GARIN2: variants seen among roughly 807,000 people sequenced by gnomAD.
GARIN2 encodes golgi associated RAB2 interactor family member 2.
At chr14:67,193,954 C>CAAAAAAAAAACAA in the GARIN2 span, among the ~76,000 whole-genome samples, 36 of 85,748 alleles carry the variant, frequency 4.2e-4, no homozygotes, top group East Asian at 1.3e-3. Flanking sequence ...CAAAAAAAAA[C>CAAAAAAAAAACAA]AAAAAAAAAA....
chr14:67,200,333 C>T, the GARIN2 span: 1 of 650,700 alleles, frequency 1.5e-6, no homozygotes, highest in East Asian at 3.0e-5. Flanking sequence ...AGTAAATTCA[C>T]ATTTTCCTTC....
chr14:67,222,999 C>CTA, the GARIN2 span, among the ~76,000 whole-genome samples: 4 of 124,810 alleles, frequency 3.2e-5, no homozygotes, highest in African/African-American at 9.3e-5. Context: ...TCCCATTGGG[C>CTA]TTTTTTTTTT....
chr14:67,199,773 CT>C, the GARIN2 span: 5 of 1,527,944 alleles, frequency 3.3e-6, no homozygotes, highest in Non-Finnish European at 4.5e-6. Flanking sequence ...CCAGGCATGC[CT>C]CCTCCTGGCT....
the GARIN2 span, chr14:67,200,605 A>T: frequency 9.8e-6 from 2 of 203,780 alleles, no homozygotes; most frequent in Non-Finnish European, 1.9e-5. Flanking sequence ...CTGCACTCAT[A>T]CTTGAGTACT....
At chr14:67,211,251 A>G in the GARIN2 span, among the ~76,000 whole-genome samples, 4 of 152,182 alleles carry the variant, frequency 2.6e-5, no homozygotes, top group Non-Finnish European at 5.9e-5. Context: ...AGATATAGAT[A>G]AAATATAGGT....
the GARIN2 span, among the ~76,000 whole-genome samples, chr14:67,225,962 T>A: frequency 8.8e-6 from 1 of 113,490 alleles, no homozygotes; most frequent in African/African-American, 5.1e-5. Context: ...TGTGTGTGTG[T>A]GCGCGCGCGC....
the GARIN2 span, among the ~76,000 whole-genome samples, chr14:67,222,663 G>A: frequency 2.0e-5 from 3 of 152,082 alleles, no homozygotes; most frequent in African/African-American, 4.8e-5. Context: ...AGCCTGTAAC[G>A]AACTTTTAAT....
At chr14:67,200,731 T>A in the GARIN2 span, among the ~76,000 whole-genome samples, 717 of 152,320 alleles carry the variant, frequency 4.7e-3, 15 homozygotes, top group Admixed American at 0.042. Context: ...TGATGTACTT[T>A]ACCTTATACA....
chr14:67,195,713 TTGTGTGTGTGTGTGTGTGTGTG>T, the GARIN2 span, among the ~76,000 whole-genome samples: 13 of 143,230 alleles, frequency 9.1e-5, no homozygotes, highest in Non-Finnish European at 1.7e-4. Flanking sequence ...TTCTTTTTGG[TTGTGTGTGTGTGTGTGTGTGTG>T]TGTGTGTGTG....
At chr14:67,202,646 AG>A in the GARIN2 span, among the ~76,000 whole-genome samples, 7 of 152,298 alleles carry the variant, frequency 4.6e-5, no homozygotes, top group African/African-American at 1.4e-4. Context: ...TAAAGACTAA[AG>A]AATATTGCAT....
At chr14:67,221,857 T>C in the GARIN2 span, 1 of 1,601,916 alleles carries the variant, frequency 6.2e-7, no homozygotes, top group Non-Finnish European at 8.5e-7. Context: ...TGGTATTCAG[T>C]AGTCATCTCT....
chr14:67,217,441 T>G, the GARIN2 span, among the ~76,000 whole-genome samples: 1 of 152,218 alleles, frequency 6.6e-6, no homozygotes, highest in South Asian at 2.1e-4. Context: ...GACTTACTCA[T>G]GTCATTTTGT....
chr14:67,217,959 G>A, the GARIN2 span, among the ~76,000 whole-genome samples: 2 of 152,096 alleles, frequency 1.3e-5, no homozygotes, highest in African/African-American at 4.8e-5. Flanking sequence ...ATATGAATGG[G>A]TCTTGGGATG....
At chr14:67,199,753 G>A in the GARIN2 span, 1 of 1,553,032 alleles carries the variant, frequency 6.4e-7, no homozygotes, top group Non-Finnish European at 8.8e-7. Flanking sequence ...TGGGGTCTGG[G>A]CTTCCTCCAC....
chr14:67,193,716 G>T, the GARIN2 span, among the ~76,000 whole-genome samples: 3 of 148,620 alleles, frequency 2.0e-5, no homozygotes, highest in African/African-American at 7.4e-5. Context: ...GCCAAAACAG[G>T]TGGATCACTT....
At chr14:67,225,769 T>G in the GARIN2 span, among the ~76,000 whole-genome samples, 2 of 152,232 alleles carry the variant, frequency 1.3e-5, no homozygotes, top group Non-Finnish European at 2.9e-5. Flanking sequence ...TACTGTATTC[T>G]AAGTTTGTTC....
At chr14:67,190,463 T>G in the GARIN2 span, among the ~76,000 whole-genome samples, 4 of 152,152 alleles carry the variant, frequency 2.6e-5, no homozygotes, top group African/African-American at 9.7e-5. Flanking sequence ...CCTCAAGAGA[T>G]CCACCTGCCT....
At chr14:67,201,310 A>C in the GARIN2 span, 1 of 350,206 alleles carries the variant, frequency 2.9e-6, no homozygotes, top group South Asian at 2.3e-5. Context: ...CAAACAAATA[A>C]ATATTTTTAA....
the GARIN2 span, among the ~76,000 whole-genome samples, chr14:67,207,320 A>C: frequency 6.6e-6 from 1 of 152,162 alleles, no homozygotes; most frequent in Non-Finnish European, 1.5e-5. Context: ...CCAGCACATC[A>C]CATGGCCAGA....
Sources: allele counts gnomAD v4.1 joint callset (sites outside exome capture counted in the v4.1 genomes callset), GRCh38; gene constraint gnomAD v4.1.1; transcripts MANE v1.5; gene names NCBI Gene and HGNC (gene_info 2026-07-23, HGNC 2026-07-21).